CDK8: variants seen among roughly 807,000 people sequenced by gnomAD.
CDK8 encodes cyclin-dependent kinase 8.
A neutral mutation model predicts 71.5 loss-of-function variants in CDK8; 29 were observed. That is an observed-to-expected ratio of 0.41 (90% CI 0.30 to 0.55). The LOEUF (loss-of-function observed/expected upper bound fraction) is 0.55. Ranked by LOEUF, CDK8 falls within the 20% of genes least tolerant of loss-of-function variation. The pLI is 0.37. For missense variants in CDK8, 288 were observed against 572.6 expected (o/e 0.50, Z 5.07); for synonymous variants, 161 against 192.1 (o/e 0.84, Z 1.34).
chr13:26,313,061 C>T (rs560132594), intron 1 of CDK8, among the ~76,000 whole-genome samples: 56 of 152,276 alleles, frequency 3.7e-4, no homozygotes, highest in African/African-American at 1.3e-3. Context: ...ATTATTTTCA[C>T]CTTCCATCCA....
chr13:26,328,019 C>T (rs1049629164), intron 1 of CDK8, among the ~76,000 whole-genome samples: 12 of 147,138 alleles, frequency 8.2e-5, no homozygotes, highest in African/African-American at 2.8e-4. Context: ...ACTGTGGTCA[C>T]TAAAAATACC....
chr13:26,359,240 T>A (rs140203788), intron 4 of CDK8, among the ~76,000 whole-genome samples: 115 of 152,296 alleles, frequency 7.6e-4, no homozygotes, highest in African/African-American at 1.9e-3. Flanking sequence ...TACGGGACGT[T>A]ACTGTTTAAT....
At chr13:26,341,287 C>T (rs1488810585) in intron 2 of CDK8, among the ~76,000 whole-genome samples, 1 of 152,108 alleles carries the variant, frequency 6.6e-6, no homozygotes, top group East Asian at 1.9e-4. Flanking sequence ...CCACCACACC[C>T]AGCTAATGTT....
chr13:26,280,872 A>T (rs1342560339), intron 1 of CDK8, among the ~76,000 whole-genome samples: 1 of 152,198 alleles, frequency 6.6e-6, no homozygotes, highest in Non-Finnish European at 1.5e-5. Context: ...GGAGACTCAC[A>T]CTGTGGACTT....
chr13:26,289,065 T>G (rs1402748661), intron 1 of CDK8, among the ~76,000 whole-genome samples: 1 of 144,990 alleles, frequency 6.9e-6, no homozygotes, highest in Non-Finnish European at 1.5e-5. Flanking sequence ...TTTTTTTTTT[T>G]TTTTTTTTTT....
chr13:26,327,578 C>T (rs1053854416), intron 1 of CDK8, among the ~76,000 whole-genome samples: 3 of 152,092 alleles, frequency 2.0e-5, no homozygotes, highest in East Asian at 1.9e-4. Flanking sequence ...CCTGTAATCC[C>T]GGAACTTTGG....
At chr13:26,286,620 A>G (rs867220850) in intron 1 of CDK8, among the ~76,000 whole-genome samples, 11 of 152,360 alleles carry the variant, frequency 7.2e-5, no homozygotes, top group Middle Eastern at 3.4e-3. Context: ...CTTCATGACC[A>G]AGAATCCAAA....
At chr13:26,380,304 T>G (rs1383847901) in intron 4 of CDK8, among the ~76,000 whole-genome samples, 1 of 151,910 alleles carries the variant, frequency 6.6e-6, no homozygotes. Context: ...CTCAGCCTCC[T>G]GAGTAGCTGG....
At chr13:26,281,301 G>A (rs909116090) in intron 1 of CDK8, among the ~76,000 whole-genome samples, 3 of 152,218 alleles carry the variant, frequency 2.0e-5, no homozygotes, top group Admixed American at 2.0e-4. Flanking sequence ...AAGACAGATT[G>A]TATCACAGGA....
chr13:26,358,808 C>A (rs78219189), intron 4 of CDK8, among the ~76,000 whole-genome samples: 8,873 of 152,162 alleles, frequency 0.058, 870 homozygotes, highest in African/African-American at 0.2. Flanking sequence ...GAATATTATT[C>A]AACCTTAAAA....
intron 1 of CDK8, among the ~76,000 whole-genome samples, chr13:26,332,377 C>G (rs563455544): frequency 6.6e-6 from 1 of 151,702 alleles, no homozygotes; most frequent in Non-Finnish European, 1.5e-5. Flanking sequence ...CACAGCTACT[C>G]GGGAGGCTGA....
Position 26,401,736 on chromosome 13 carries a change from A to G in CDK8, c.1269+112A>G. 1 of 1,074,578 alleles carries G rather than the reference A, an allele frequency of 9.3e-7. No homozygotes were observed. The highest frequency in any genetic ancestry group is 1.4e-6 in the Non-Finnish European group (1 of 725,156). 66.6% of individuals were successfully genotyped at this position (1,074,578 alleles called of 1,614,324 possible). A position where few individuals can be genotyped will look rare whatever the true frequency, so the allele number is the denominator to read the frequency against. ...TACTGACGTCTGTATACCCAGGGAA[A>G]TACATTAACATGAAATGTTACTGGC... On this transcript the variant is annotated intron_variant, in intron 12 of 12. Transcript: ENST00000381527. The surrounding 1 kb of genome is among the most constrained non-coding windows in gnomAD (Gnocchi z 4.5).
intron 1 of CDK8, among the ~76,000 whole-genome samples, chr13:26,282,615 C>T (rs776312735): frequency 6.6e-6 from 1 of 152,088 alleles, no homozygotes; most frequent in East Asian, 1.9e-4. Context: ...AGAACCTTCT[C>T]AAAGCGTAAA....
chr13:26,341,520 A>AT (rs1336855987), intron 2 of CDK8, among the ~76,000 whole-genome samples: 10 of 152,076 alleles, frequency 6.6e-5, no homozygotes, highest in Admixed American at 5.9e-4. Context: ...TGTTTTCCTT[A>AT]TTTTTTTACA....
chr13:26,374,160 G>C (rs9507705), intron 4 of CDK8, among the ~76,000 whole-genome samples: 151,799 of 152,200 alleles, frequency 1, 75,701 homozygotes, highest in Middle Eastern at 1. Context: ...GAGATCACGC[G>C]ACTGCACTCC....
chr13:26,353,963 A>G, intron 4 of CDK8, 83 bp downstream of exon 4: 4 of 1,197,444 alleles, frequency 3.3e-6, no homozygotes, highest in Non-Finnish European at 3.7e-6. Context: ...TACCAGTGCT[A>G]TATGTAGGCC....
chr13:26,263,236 C>T lies in CDK8; in HGVS notation c.128+8467C>T, dbSNP rs372357691. ...CTGCTAGCTCCGCTTCCCGGGTTCA[C>T]GCCATTCTCCTGCCTCAGCCTCCCG... On this transcript the variant is annotated intron_variant, in intron 1 of 12. Transcript: ENST00000381527. Among the ~76,000 whole-genome samples, 631 of 152,106 alleles carry T rather than the reference C, an allele frequency of 4.1e-3. 7 individuals are homozygous for T. Among genetic ancestry groups the T allele is most frequent in the African/African-American group, 0.014 (575 of 41,504 alleles).
chr13:26,368,516 A>C (rs532078026), intron 4 of CDK8, among the ~76,000 whole-genome samples: 2 of 152,220 alleles, frequency 1.3e-5, no homozygotes, highest in African/African-American at 4.8e-5. Context: ...CCAATTTACT[A>C]TCACACCACG....
chr13:26,261,379 G>A (rs943036272), intron 1 of CDK8, among the ~76,000 whole-genome samples: 4 of 152,068 alleles, frequency 2.6e-5, no homozygotes, highest in Non-Finnish European at 4.4e-5. Context: ...TTAGTAGATC[G>A]ACGAGGCTGT....
Sources: allele counts gnomAD v4.1 joint callset (sites outside exome capture counted in the v4.1 genomes callset), GRCh38; gene constraint gnomAD v4.1.1; non-coding constraint Gnocchi (gnomAD v3.1); transcripts MANE v1.5; gene names NCBI Gene and HGNC (gene_info 2026-07-23, HGNC 2026-07-21).